Variants in GRM8 observed in about 807,000 individuals in gnomAD.
GRM8 encodes glutamate metabotropic receptor 8, also known as metabotropic glutamate receptor 8.
In GRM8, 47 loss-of-function variants were observed where a neutral mutation model predicts 87.2. That is an observed-to-expected ratio of 0.54 (90% CI 0.43 to 0.69). The LOEUF (loss-of-function observed/expected upper bound fraction) is 0.69, where lower values mean the gene tolerates loss of function less well. GRM8 is among the 30% of genes least tolerant of loss of function. The pLI, the probability that GRM8 is intolerant of heterozygous loss-of-function variation, is 0.00. For synonymous variants in GRM8, 396 were observed against 404.5 expected (o/e 0.98, Z 0.25); for missense variants, 1,019 against 1,139.2 (o/e 0.89, Z 1.52).
At chr7:126,477,605 AAGAAAG>A (rs1429089758) in intron 9 of GRM8, among the ~76,000 whole-genome samples, 91 of 147,264 alleles carry the variant, frequency 6.2e-4, no homozygotes, top group African/African-American at 2.4e-3. Context: ...GAAAGAAAGA[AAGAAAG>A]AAAGAAAGAA....
At chr7:126,569,028 C>T (rs138217233) in intron 8 of GRM8, among the ~76,000 whole-genome samples, 120 of 152,266 alleles carry the variant, frequency 7.9e-4, no homozygotes, top group African/African-American at 2.8e-3. Flanking sequence ...ACCTGCTAAA[C>T]AGCAGTGATT....
At chr7:127,020,961 G>A (rs1381184963) in intron 3 of GRM8, among the ~76,000 whole-genome samples, 1 of 152,016 alleles carries the variant, frequency 6.6e-6, no homozygotes, top group Non-Finnish European at 1.5e-5. Flanking sequence ...TGGATACTGT[G>A]CTGAATAGTA....
At chr7:127,057,679 A>T (rs1035232473) in intron 3 of GRM8, among the ~76,000 whole-genome samples, 2 of 152,198 alleles carry the variant, frequency 1.3e-5, no homozygotes, top group African/African-American at 4.8e-5. Context: ...TGTAATTTCA[A>T]TTATAAATCA....
chr7:126,762,697 A>C lies in GRM8; in HGVS notation c.1357+7168T>G, dbSNP rs1242241561. 3.9e-5 allele frequency among the ~76,000 whole-genome samples: 6 copies of C among 152,012 alleles called. No individual in the cohort carries two copies. In the East Asian group the frequency reaches 1.2e-3, roughly 29 times the overall value. The stretch of plus-strand genomic sequence containing the variant: ...TAACTAGAGTGATTTTATACTATAC[A>C]ATATATTGTTGGTGGGTTTTAGTTA... On this transcript the variant is annotated intron_variant, in intron 7 of 10. Coordinates refer to ENST00000339582, the MANE Select transcript of GRM8 (RefSeq NM_000845.3).
At chr7:126,613,751 G>T (rs1043128852) in intron 7 of GRM8, among the ~76,000 whole-genome samples, 4 of 152,192 alleles carry the variant, frequency 2.6e-5, no homozygotes, top group Admixed American at 1.3e-4. Flanking sequence ...GGCTCAGAGG[G>T]TCCCATGCCC....
intron 3 of GRM8, among the ~76,000 whole-genome samples, chr7:127,036,328 CA>C (rs1817840548): frequency 6.6e-6 from 1 of 152,170 alleles, no homozygotes. Flanking sequence ...CATATCCTAA[CA>C]AAAACTCTTC....
intron 3 of GRM8, among the ~76,000 whole-genome samples, chr7:127,073,321 G>T (rs974928565): frequency 1.3e-5 from 2 of 152,180 alleles, no homozygotes; most frequent in Non-Finnish European, 2.9e-5. Context: ...TGACTGCAAA[G>T]GGGGCAGATG....
At chr7:127,148,546 G>C (rs1828673237) in intron 2 of GRM8, among the ~76,000 whole-genome samples, 1 of 151,806 alleles carries the variant, frequency 6.6e-6, no homozygotes, top group Non-Finnish European at 1.5e-5. Flanking sequence ...AACACACATA[G>C]AACATTCTCC....
intron 6 of GRM8, among the ~76,000 whole-genome samples, chr7:126,851,127 C>T (rs929552695): frequency 1.3e-5 from 2 of 152,092 alleles, no homozygotes; most frequent in Admixed American, 1.3e-4. Context: ...TTAGATAACT[C>T]CATCCTTTCC....
intron 3 of GRM8, among the ~76,000 whole-genome samples, chr7:127,029,176 T>C (rs1042909718): frequency 2.0e-5 from 3 of 152,222 alleles, no homozygotes; most frequent in Non-Finnish European, 4.4e-5. Flanking sequence ...TGAGTTCTAA[T>C]TTGATTGAAC....
chr7:126,952,374 A>C (rs1322820607), intron 3 of GRM8, among the ~76,000 whole-genome samples: 1 of 152,074 alleles, frequency 6.6e-6, no homozygotes, highest in Non-Finnish European at 1.5e-5. Context: ...TGTTGAAAGA[A>C]AGAAGGAAGT....
intron 7 of GRM8, among the ~76,000 whole-genome samples, chr7:126,720,961 C>T (rs1260175174): frequency 6.6e-6 from 1 of 152,174 alleles, no homozygotes; most frequent in Non-Finnish European, 1.5e-5. Context: ...CTCTAGCAAA[C>T]ACAGAGATTA....
intron 7 of GRM8, among the ~76,000 whole-genome samples, chr7:126,748,608 T>G (rs929119048): frequency 6.7e-6 from 1 of 150,260 alleles, no homozygotes; most frequent in East Asian, 1.9e-4. Flanking sequence ...TCGGGTTTTT[T>G]TTTTTTTTTT....
intron 2 of GRM8, among the ~76,000 whole-genome samples, chr7:127,167,741 A>T (rs1458908843): frequency 6.6e-6 from 1 of 152,064 alleles, no homozygotes; most frequent in Non-Finnish European, 1.5e-5. Context: ...CCATTCCTCC[A>T]TCTCCCTCCT....
intron 3 of GRM8, among the ~76,000 whole-genome samples, chr7:126,976,806 T>A (rs1811032754): frequency 6.6e-6 from 1 of 152,134 alleles, no homozygotes; most frequent in Non-Finnish European, 1.5e-5. Flanking sequence ...AGAGTATCTG[T>A]CGACTTGAAG....
chr7:126,665,992 G>C (rs1189889563), intron 7 of GRM8, among the ~76,000 whole-genome samples: 3 of 152,050 alleles, frequency 2.0e-5, no homozygotes, highest in Non-Finnish European at 4.4e-5. Flanking sequence ...AATTAGGTGA[G>C]AGCCTCCTTA....
intron 8 of GRM8, among the ~76,000 whole-genome samples, chr7:126,568,514 C>T (rs1215789781): frequency 6.6e-6 from 1 of 152,128 alleles, no homozygotes; most frequent in Non-Finnish European, 1.5e-5. Flanking sequence ...CTCTCTCCCT[C>T]TGTCTCTCAC....
At chr7:126,703,816 C>T (rs1288613623) in intron 7 of GRM8, among the ~76,000 whole-genome samples, 1 of 152,148 alleles carries the variant, frequency 6.6e-6, no homozygotes, top group Non-Finnish European at 1.5e-5. Context: ...CCAGCCTTGG[C>T]CCCCCAGCGT....
At chr7:126,459,683 T>C (rs1269221433) in intron 9 of GRM8, among the ~76,000 whole-genome samples, 1 of 151,450 alleles carries the variant, frequency 6.6e-6, no homozygotes, top group Non-Finnish European at 1.5e-5. Flanking sequence ...ACGGTGGCAA[T>C]GCAGAGGCTC....
Sources: gnomAD v4.1 joint callset for allele counts (sites outside exome capture counted in the v4.1 genomes callset) on GRCh38, gnomAD v4.1.1 for gene constraint, MANE v1.5 for transcripts, NCBI Gene and HGNC (gene_info 2026-07-23, HGNC 2026-07-21) for gene names.